FNDC3B: variants seen among roughly 807,000 people sequenced by gnomAD.
FNDC3B encodes the protein fibronectin type III domain-containing protein 3B.
Under a neutral mutation model 151.5 loss-of-function variants are expected in FNDC3B, and 12 were observed. That is an observed-to-expected ratio of 0.08 (90% confidence interval 0.05 to 0.13). The LOEUF (loss-of-function observed/expected upper bound fraction) is 0.13. Ranked by LOEUF, FNDC3B falls within the 10% of genes least tolerant of loss-of-function variation. FNDC3B has a pLI of 1.00. For missense variants in FNDC3B, 1,214 were observed against 1,505.3 expected, an observed-to-expected ratio of 0.81 and a Z score of 3.20; for synonymous variants, 528 against 549.0, an observed-to-expected ratio of 0.96 and a Z score of 0.54.
chr3:172,294,969 A>G (rs887855642), intron 7 of FNDC3B, among the ~76,000 whole-genome samples: 6 of 152,230 alleles, frequency 3.9e-5, no homozygotes, highest in African/African-American at 1.2e-4. Flanking sequence ...TTGGAAAGGT[A>G]TTAGCTTTGA....
At chr3:172,197,892 G>A (rs543322746) in intron 3 of FNDC3B, among the ~76,000 whole-genome samples, 52 of 152,256 alleles carry the variant, frequency 3.4e-4, no homozygotes, top group Middle Eastern at 3.4e-3. Flanking sequence ...AGTCTTCTCC[G>A]TTGTAGAAGT....
intron 24 of FNDC3B, among the ~76,000 whole-genome samples, chr3:172,380,145 CT>C (rs1735363993): frequency 1.3e-5 from 2 of 151,506 alleles, no homozygotes; most frequent in African/African-American, 4.9e-5. Flanking sequence ...AAACAACTGT[CT>C]CTAAAGAATT....
At chr3:172,210,422 C>G (rs1487305230) in intron 3 of FNDC3B, among the ~76,000 whole-genome samples, 1 of 152,038 alleles carries the variant, frequency 6.6e-6, no homozygotes, top group African/African-American at 2.4e-5. Context: ...AAATCATAGT[C>G]CTGGGCCCAC....
chr3:172,379,907 T>C (rs1305037854), intron 24 of FNDC3B, among the ~76,000 whole-genome samples: 3 of 152,150 alleles, frequency 2.0e-5, no homozygotes, highest in Non-Finnish European at 4.4e-5. Flanking sequence ...AGGTCAGTTT[T>C]CCCACTCTGA....
chr3:172,196,092 T>C (rs994916382), intron 3 of FNDC3B, among the ~76,000 whole-genome samples: 1 of 152,246 alleles, frequency 6.6e-6, no homozygotes, highest in African/African-American at 2.4e-5. Context: ...GTTTAGGTAC[T>C]TGGCATTTGA....
intron 25 of FNDC3B, among the ~76,000 whole-genome samples, chr3:172,389,414 T>C (rs562215981): frequency 1.3e-5 from 2 of 152,340 alleles, no homozygotes; most frequent in South Asian, 2.1e-4. Context: ...AGAGCCAAGG[T>C]AGACAAGCTA....
At chr3:172,152,185 A>C (rs1722259334) in intron 3 of FNDC3B, among the ~76,000 whole-genome samples, 1 of 152,160 alleles carries the variant, frequency 6.6e-6, no homozygotes, top group African/African-American at 2.4e-5. Flanking sequence ...CTCTTCACAA[A>C]AATCGCTGGT....
At position 172,400,261 on chromosome 3, in the gene FNDC3B, CAAAG is replaced by C. The variant is rs1236804688; in HGVS notation, c.*2790_*2793del. On this transcript the variant is annotated 3_prime_UTR_variant, in exon 26 of 26. Coordinates refer to ENST00000415807, the MANE Select transcript of FNDC3B (RefSeq NM_022763.4). ...TGTGAAGCAAACTGCCCTTTGTCCT[CAAAG>C]AAATTGTTGAAAAAGAAAACTTTTT... 1 of 152,332 alleles carries C rather than the reference CAAAG, an allele frequency of 6.6e-6. No individual in the cohort carries two copies. Among genetic ancestry groups the C allele is most frequent in the East Asian group, 1.9e-4 (1 of 5,202 alleles). 9.4% of individuals were successfully genotyped at this position (152,332 alleles called of 1,614,324 possible). A position where few individuals can be genotyped will look rare whatever the true frequency, so the allele number is the denominator to read the frequency against.
chr3:172,381,609 A>G (rs1735442748), intron 25 of FNDC3B, among the ~76,000 whole-genome samples: 1 of 151,700 alleles, frequency 6.6e-6, no homozygotes, highest in African/African-American at 2.4e-5. Context: ...TCCTAATGCT[A>G]TCCCTCCCCT....
chr3:172,242,269 C>T (rs1408182981), intron 4 of FNDC3B, among the ~76,000 whole-genome samples: 1 of 152,196 alleles, frequency 6.6e-6, no homozygotes, highest in Non-Finnish European at 1.5e-5. Flanking sequence ...GTTGGTGGAT[C>T]TACCATTCTG....
chr3:172,158,727 A>G (rs1722624056), intron 3 of FNDC3B, among the ~76,000 whole-genome samples: 2 of 152,170 alleles, frequency 1.3e-5, no homozygotes, highest in East Asian at 3.8e-4. Flanking sequence ...CCAGACTCCA[A>G]AGATTTTTTT....
intron 6 of FNDC3B, among the ~76,000 whole-genome samples, chr3:172,260,910 C>G (rs1728614420): frequency 6.6e-6 from 1 of 152,182 alleles, no homozygotes; most frequent in South Asian, 2.1e-4. Flanking sequence ...AGCAAATTAA[C>G]CACTCTAAGT....
At chr3:172,092,417 G>A (rs1458685204) in intron 1 of FNDC3B, among the ~76,000 whole-genome samples, 1 of 152,180 alleles carries the variant, frequency 6.6e-6, no homozygotes. Flanking sequence ...TTATTAAGTG[G>A]GGGAGAAAAT....
Position 172,118,292 on chromosome 3 carries a change from T to C in FNDC3B, c.111+5702T>C, listed in dbSNP as rs567673990. Among the ~76,000 whole-genome samples the C allele has an allele frequency of 2.0e-4, 31 of 152,318 alleles. No homozygotes were observed. In the East Asian group the frequency reaches 3.1e-3, roughly 15 times the overall value. ...GTTGATATCTTCTTAATAACTTTCT[T>C]CTTGATGGCTTCCGTCTTGCATTCA... On this transcript the variant is annotated intron_variant, in intron 2 of 25. Coordinates refer to ENST00000415807, the MANE Select transcript of FNDC3B (RefSeq NM_022763.4).
At chr3:172,345,122 T>C (rs1408380568) in intron 19 of FNDC3B, among the ~76,000 whole-genome samples, 2 of 152,110 alleles carry the variant, frequency 1.3e-5, no homozygotes, top group African/African-American at 4.8e-5. Context: ...ATTAAGAAAG[T>C]AAAGGAATAA....
intron 5 of FNDC3B, 49 bp downstream of exon 5, chr3:172,247,825 G>A (rs201246674): frequency 5.2e-5 from 83 of 1,595,464 alleles, no homozygotes; most frequent in East Asian, 1.8e-4. Context: ...TGATTACAGC[G>A]TTTCAATAGT....
chr3:172,322,456 G>A (rs1732134426), intron 11 of FNDC3B, among the ~76,000 whole-genome samples: 1 of 152,220 alleles, frequency 6.6e-6, no homozygotes, highest in Admixed American at 6.5e-5. Context: ...CCGCATTCAA[G>A]GGAAAGGGAC....
chr3:172,200,743 A>G (rs1725105125), intron 3 of FNDC3B, among the ~76,000 whole-genome samples: 1 of 152,148 alleles, frequency 6.6e-6, no homozygotes, highest in African/African-American at 2.4e-5. Flanking sequence ...GAGCATCTGT[A>G]ATTGTTTTTG....
chr3:172,151,931 TA>T (rs1722248247), intron 3 of FNDC3B, among the ~76,000 whole-genome samples: 1 of 152,156 alleles, frequency 6.6e-6, no homozygotes, highest in African/African-American at 2.4e-5. Flanking sequence ...TGGTTTTCAG[TA>T]AGTTAAAAGG....
Sources: gnomAD v4.1 joint callset for allele counts (sites outside exome capture counted in the v4.1 genomes callset) on GRCh38, gnomAD v4.1.1 for gene constraint, MANE v1.5 for transcripts, NCBI Gene and HGNC (gene_info 2026-07-23, HGNC 2026-07-21) for gene names.